Variants in NOD1 observed in about 807,000 individuals in gnomAD.
NOD1 encodes the protein nucleotide-binding oligomerization domain-containing protein 1.
NOD1 carries 70 observed loss-of-function variants against 81.2 expected under a neutral mutation model. That is an observed-to-expected ratio of 0.86 (90% CI 0.71 to 1.05). The LOEUF (loss-of-function observed/expected upper bound fraction) is 1.05, where lower values mean the gene tolerates loss of function less well. Among genes scored for constraint, NOD1 ranks in the 50% least tolerant of loss-of-function variants. NOD1 has a pLI of 0.00. For synonymous variants in NOD1, 508 were observed against 526.9 expected (o/e 0.96, Z 0.49); for missense variants, 1,233 against 1,228.0 (o/e 1.00, Z -0.06).
chr7:30,469,257 T>C (rs1788025692), intron 1 of NOD1: 2 of 984,520 alleles, frequency 2.0e-6, no homozygotes, highest in Non-Finnish European at 1.2e-6. Context: ...TGGATGAAGC[T>C]ACAATTATTA....
intron 9 of NOD1, 86 bp downstream of exon 9, chr7:30,446,055 T>G: frequency 2.0e-6 from 2 of 987,616 alleles, no homozygotes. Context: ...GTCCTTCTGG[T>G]GTACTGATGT....
chr7:30,456,231 G>A (rs745552666), intron 4 of NOD1, among the ~76,000 whole-genome samples: 84 of 152,236 alleles, frequency 5.5e-4, no homozygotes, highest in Non-Finnish European at 9.7e-4. Context: ...AGGAGATAAC[G>A]CAAAGCGTAA....
rs1216888002 is a variant in NOD1 at position 30,455,320 on chromosome 7, G to C, written c.202-9C>G. Reference sequence around the variant, plus strand: ...TCCAGAATTTTGCGGACCTGGAGGTGACACAAGCATGAGGGCACGGGCTGG... The same window carrying C: ...TCCAGAATTTTGCGGACCTGGAGGTCACACAAGCATGAGGGCACGGGCTGG... On this transcript the variant is annotated splice_polypyrimidine_tract_variant and intron_variant, in intron 4 of 13. Coordinates refer to ENST00000222823, the MANE Select transcript of NOD1 (RefSeq NM_006092.4). 1 of 1,610,384 alleles carries C rather than the reference G, an allele frequency of 6.2e-7. No individual in the cohort carries two copies. The highest frequency in any genetic ancestry group is 1.1e-5 in the South Asian group (1 of 90,956).
rs766318406 is a variant in NOD1 at position 30,451,598 on chromosome 7, G to A, written c.1819C>T (p.Leu607=). 1 of 1,613,866 alleles carries A rather than the reference G, an allele frequency of 6.2e-7. No homozygotes were observed. Among genetic ancestry groups the A allele is most frequent in the Non-Finnish European group, 8.5e-7 (1 of 1,180,012 alleles). ...CTCCTCAGGGCTGCCGCGGGCACCA[G>A]ATGCCGCAGGAGTTTCTGTTTGGCT... ...SKAKQKLLRH[L]VPAAALRRKR... is the part of the protein sequence containing the mutation. Residue 607 remains leucine (L), a synonymous_variant, in exon 6 of 14, where the codon CTG becomes TTG. Transcript: ENST00000222823. The surrounding 1 kb of genome is among the most constrained non-coding windows in gnomAD (Gnocchi z 4.2).
intron 3 of NOD1, 52 bp downstream of exon 3, chr7:30,459,100 T>C (rs1286284507): frequency 2.0e-5 from 3 of 152,614 alleles, no homozygotes; most frequent in African/African-American, 7.2e-5. Context: ...AATCGGTTCA[T>C]TTAAAGCATA....
chr7:30,452,127 C>T lies in NOD1; in HGVS notation c.1290G>A (p.Glu430=), dbSNP rs1271341938. 1 of 1,613,994 alleles carries T rather than the reference C, an allele frequency of 6.2e-7. No homozygotes were observed. Among genetic ancestry groups the T allele is most frequent in the East Asian group, 2.2e-5 (1 of 44,862 alleles). ...TLTDVFLLVT[E]VHLNRMQPSS... The stretch of plus-strand genomic sequence containing the variant: ...TGGGCTGCATCCTGTTCAGATGGAC[C>T]TCAGTGACCAGGAGGAAGACATCTG... Residue 430 remains glutamate, a synonymous_variant, in exon 6 of 14, where the codon GAG becomes GAA. Coordinates refer to ENST00000222823, the MANE Select transcript of NOD1 (RefSeq NM_006092.4).
At chr7:30,455,763 G>A (rs765473898) in intron 4 of NOD1, among the ~76,000 whole-genome samples, 2 of 152,022 alleles carry the variant, frequency 1.3e-5, no homozygotes, top group African/African-American at 2.4e-5. Flanking sequence ...CACCATGCCC[G>A]ACTAATTTTT....
At chr7:30,469,079 T>C in intron 1 of NOD1, 1 of 985,424 alleles carries the variant, frequency 1.0e-6, no homozygotes, top group Non-Finnish European at 1.2e-6. Flanking sequence ...TGTCCTACTT[T>C]TCCTGCTGCA....
chr7:30,467,686 T>G lies in NOD1; in HGVS notation c.-351-7645A>C, dbSNP rs1787840705. Among the ~76,000 whole-genome samples, 1 of 152,124 alleles carries G rather than the reference T, an allele frequency of 6.6e-6. No individual in the cohort carries two copies. The highest frequency in any genetic ancestry group is 2.4e-5 in the African/African-American group (1 of 41,408). Reference sequence around the variant, plus strand: ...TGTGGGTGGGAACAGTTTTTTTTGTTGTTGTTGTTATTTTTGTTTGTTTGT... The same window carrying G: ...TGTGGGTGGGAACAGTTTTTTTTGTGGTTGTTGTTATTTTTGTTTGTTTGT... On this transcript the variant is annotated intron_variant, in intron 1 of 13. Coordinates refer to ENST00000222823, the MANE Select transcript of NOD1 (RefSeq NM_006092.4). This position sits in a 1 kb window ranked among gnomAD's most constrained non-coding sequence, Gnocchi z 4.5.
rs564915990 is a variant in NOD1 at position 30,450,050 on chromosome 7, C to T, written c.2201+1166G>A. 5.6e-4 allele frequency among the ~76,000 whole-genome samples: 86 copies of T among 152,302 alleles called. No individual in the cohort carries two copies. The South Asian group carries it at 8.7e-3, about 15-fold the overall frequency. ...CTACTAAAAATACAAAAAACTTAGC[C>T]GGACATGGTGGCGTGTGCCTGTAAT... On this transcript the variant is annotated intron_variant, in intron 6 of 13. Coordinates refer to ENST00000222823, the MANE Select transcript of NOD1 (RefSeq NM_006092.4).
intron 3 of NOD1, among the ~76,000 whole-genome samples, chr7:30,458,201 A>C (rs1347264747): frequency 6.6e-6 from 1 of 152,154 alleles, no homozygotes; most frequent in Admixed American, 6.5e-5. Flanking sequence ...CCTTGTAACA[A>C]TAACAGCAAA....
intron 1 of NOD1, among the ~76,000 whole-genome samples, chr7:30,475,261 C>A (rs1360604470): frequency 1.3e-5 from 2 of 152,304 alleles, no homozygotes; most frequent in African/African-American, 2.4e-5. Flanking sequence ...CCAATTCTGA[C>A]CCTAACCTGT....
rs1264431689 is a variant in NOD1 at position 30,456,873 on chromosome 7, G to A, written c.49C>T (p.His17Tyr). The part of the protein sequence containing the change: ...SEMEIIPSES[H>Y]PHIQLLKSNR... Reference sequence around the variant, plus strand: ...CTTTTCAGTAATTGAATGTGGGGGTGAGACTCTGATGGGATTATTTCCATC... The same window carrying A: ...CTTTTCAGTAATTGAATGTGGGGGTAAGACTCTGATGGGATTATTTCCATC... Residue 17 changes from histidine (H) to tyrosine (Y), a missense_variant, in exon 4 of 14, where the codon CAC (histidine) becomes TAC (tyrosine). Physicochemically the swap from His to Tyr is moderately conservative, Grantham distance 83. Transcript: ENST00000222823. The A allele has an allele frequency of 1.2e-6, 2 of 1,614,086 alleles. No homozygotes were observed. The highest frequency in any genetic ancestry group is 3.3e-5 in the Admixed American group (2 of 60,010).
At position 30,434,164 on chromosome 7, in the gene NOD1, G is replaced by T. The variant is rs182392851; in HGVS notation, c.2622-985C>A. ...CCAGCAGGGTGACCTCGGGCAACAG[G>T]CTTAAGTTCTTTGGGTCTGAGTTTT... On this transcript the variant is annotated intron_variant, in intron 11 of 13. Coordinates refer to ENST00000222823, the MANE Select transcript of NOD1 (RefSeq NM_006092.4). 1.6e-3 allele frequency among the ~76,000 whole-genome samples: 237 copies of T among 152,320 alleles called. 1 individual carries two copies. Among genetic ancestry groups the T allele is most frequent in the African/African-American group, 5.5e-3 (227 of 41,560 alleles).
At chr7:30,453,595 T>A (rs898668791) in intron 5 of NOD1, among the ~76,000 whole-genome samples, 3 of 152,338 alleles carry the variant, frequency 2.0e-5, no homozygotes, top group Middle Eastern at 6.8e-3. Context: ...ATTTTTGTGT[T>A]TTTTTGTAGA....
chr7:30,445,897 G>A (rs1370436610), intron 9 of NOD1, among the ~76,000 whole-genome samples: 1 of 151,754 alleles, frequency 6.6e-6, no homozygotes, highest in Non-Finnish European at 1.5e-5. Flanking sequence ...AGGTAGAGTA[G>A]TCAAAACCAT....
Position 30,451,227 on chromosome 7 carries a change from G to A in NOD1, c.2190C>T (p.Leu730=), listed in dbSNP as rs774751522. The A allele has an allele frequency of 1.2e-6, 2 of 1,613,010 alleles. No individual in the cohort carries two copies. Residue 730 remains leucine (L), a synonymous_variant, in exon 6 of 14, where the codon CTC becomes CTT. Coordinates refer to ENST00000222823, the MANE Select transcript of NOD1 (RefSeq NM_006092.4). This position sits in a 1 kb window ranked among gnomAD's most constrained non-coding sequence, Gnocchi z 4.2. ...CCTGGCAGCCTCACCTGAGAACAGT[G>A]AGGCGGCTGAAGCAGGGCTGCAGCT... The part of the protein sequence containing the change: ...VRELQPCFSR[L]TVLRLSVNQI...
chr7:30,452,897 G>C lies in NOD1; in HGVS notation c.520C>G (p.Leu174Val). ...MELVGFSNES[L>V]GSLNSLACLL... ...CAGGCCAGGCTGTTCAGGCTGCCCA[G>C]GCTCTCATTGCTGAAGCCAACCAGC... The change falls in exon 6 of 14, where the codon CTG (leucine) becomes GTG (valine). Residue 174 changes from leucine to valine, a missense_variant. Transcript: ENST00000222823. The C allele has an allele frequency of 6.2e-7, 1 of 1,614,058 alleles. No individual in the cohort carries two copies. The highest frequency in any genetic ancestry group is 1.7e-5 in the Admixed American group (1 of 60,034).
chr7:30,452,727 G>T lies in NOD1; in HGVS notation c.690C>A (p.Phe230Leu). 6.2e-7 allele frequency: 1 copy of T among 1,614,016 alleles called. No homozygotes were observed. The highest frequency in any genetic ancestry group is 2.2e-5 in the East Asian group (1 of 44,886). The change falls in exon 6 of 14, where the codon TTC (phenylalanine) becomes TTA (leucine). Residue 230 changes from phenylalanine (F) to leucine (L), a missense_variant. Physicochemically the swap from Phe to Leu is conservative, Grantham distance 22 (BLOSUM62 0). Transcript: ENST00000222823. ...ACATGCGGCAGCGAAAGTGGAAGAAGAATTTGACCCCTGCGTCTAGCCGGC... is the reference window on the plus strand; with the variant it reads ...ACATGCGGCAGCGAAAGTGGAAGAATAATTTGACCCCTGCGTCTAGCCGGC... ...ATGRLDAGVKFFFHFRCRMFS... is the reference protein window; with the variant it reads ...ATGRLDAGVKLFFHFRCRMFS...
Sources: gnomAD v4.1 joint callset for allele counts (sites outside exome capture counted in the v4.1 genomes callset) on GRCh38, gnomAD v4.1.1 for gene constraint, Gnocchi (gnomAD v3.1) non-coding constraint, MANE v1.5 for transcripts, NCBI Gene and HGNC (gene_info 2026-07-23, HGNC 2026-07-21) for gene names.